Variants in FBXL18 observed in about 807,000 individuals in gnomAD.
FBXL18 encodes the protein F-box/LRR-repeat protein 18.
Under a neutral mutation model 46.0 loss-of-function variants are expected in FBXL18, and 36 were observed. The ratio of observed to expected loss-of-function variants is 0.78; its 90% confidence interval spans 0.60 to 1.03. FBXL18 has a LOEUF of 1.03. Ranked by LOEUF, FBXL18 falls within the 50% of genes least tolerant of loss-of-function variation. The pLI is 0.00. For missense variants in FBXL18, 977 were observed against 1,004.1 expected (o/e 0.97, Z 0.36); for synonymous variants, 557 against 465.3 (o/e 1.20, Z -2.54).
intron 4 of FBXL18, among the ~76,000 whole-genome samples, chr7:5,461,747 C>A (rs1783248970): frequency 6.6e-6 from 1 of 152,106 alleles, no homozygotes; most frequent in Admixed American, 6.6e-5. Context: ...TTGAGACCAG[C>A]CTGGCCAATA....
chr7:5,503,750 C>T (rs752589443), intron 2 of FBXL18, among the ~76,000 whole-genome samples: 45 of 151,664 alleles, frequency 3.0e-4, no homozygotes, highest in Non-Finnish European at 5.7e-4. Flanking sequence ...GGGCGGATCA[C>T]GAGGTCAGGA....
rs902274712 is a variant in FBXL18 at position 5,513,714 on chromosome 7, C to T, written c.-40G>A. ...CGAACCGCGGCCGCGGGATCCGCAA[C>T]CCCGTGCCTCCCACCTGCCCGGCTA... On this transcript the variant is annotated 5_prime_UTR_variant, in exon 1 of 5. Transcript: ENST00000382368. The T allele has an allele frequency of 2.6e-5, 41 of 1,589,986 alleles. No individual in the cohort carries two copies. The highest frequency in any genetic ancestry group is 8.0e-5 in the South Asian group (7 of 87,938).
At chr7:5,491,141 G>C in intron 4 of FBXL18, 90 bp downstream of exon 4, 1 of 1,223,676 alleles carries the variant, frequency 8.2e-7, no homozygotes. Flanking sequence ...AGAAACCACT[G>C]GTAGGCACTC....
At chr7:5,503,719 A>G (rs1349439424) in intron 2 of FBXL18, among the ~76,000 whole-genome samples, 1 of 152,146 alleles carries the variant, frequency 6.6e-6, no homozygotes, top group Non-Finnish European at 1.5e-5. Flanking sequence ...CTGTAATCCC[A>G]GCACTTTGGG....
chr7:5,468,760 C>T (rs1029319407), intron 4 of FBXL18, among the ~76,000 whole-genome samples: 5 of 152,004 alleles, frequency 3.3e-5, no homozygotes, highest in African/African-American at 1.2e-4. Flanking sequence ...ACCACCACGA[C>T]GGGCTAACTT....
rs746766574 is a variant in FBXL18, at chr7:5,491,220, A to T, written c.2000+11T>A. 5 of 1,605,498 alleles carry T rather than the reference A, an allele frequency of 3.1e-6. No individual in the cohort carries two copies. Among genetic ancestry groups the T allele is most frequent in the Non-Finnish European group, 4.3e-6 (5 of 1,176,098 alleles). On this transcript the variant is annotated intron_variant, in intron 4 of 4. Coordinates refer to ENST00000382368, the MANE Select transcript of FBXL18 (RefSeq NM_024963.6). Reference sequence around the variant, plus strand: ...CGGCCCCTGAAGCTGTACGCAACCCACATCACTCACCTGCGGAGAAGCGAC... The same window carrying T: ...CGGCCCCTGAAGCTGTACGCAACCCTCATCACTCACCTGCGGAGAAGCGAC...
rs571968531 is a variant in FBXL18 at position 5,489,696 on chromosome 7, G to A, written c.2000+1535C>T. On this transcript the variant is annotated intron_variant, in intron 4 of 4. Coordinates refer to ENST00000382368, the MANE Select transcript of FBXL18 (RefSeq NM_024963.6). ...TGGGAGGTTGAGGCAGGAGAATGTC[G>A]TGAACCCGGGAGGCAGAGCTTGCAG... 5.2e-3 allele frequency: 1,162 copies of A among 224,410 alleles called. 16 individuals are homozygous for A. Among genetic ancestry groups the A allele is most frequent in the African/African-American group, 0.025 (1,079 of 43,116 alleles). 13.9% of individuals were successfully genotyped at this position (224,410 alleles called of 1,614,324 possible). A position where few individuals can be genotyped will look rare whatever the true frequency, so the allele number is the denominator to read the frequency against.
chr7:5,498,852 A>G (rs1215122414), intron 3 of FBXL18, among the ~76,000 whole-genome samples: 1 of 152,156 alleles, frequency 6.6e-6, no homozygotes, highest in Non-Finnish European at 1.5e-5. Context: ...GGATTACAGG[A>G]GTGAGCCACC....
chr7:5,473,992 T>C (rs1162659644), downstream of FBXL18, among the ~76,000 whole-genome samples: 1 of 151,956 alleles, frequency 6.6e-6, no homozygotes, highest in Non-Finnish European at 1.5e-5. Context: ...AGATGGGGTT[T>C]CACCATGTTG....
intron 1 of FBXL18, among the ~76,000 whole-genome samples, chr7:5,513,098 A>G (rs1784583015): frequency 6.6e-6 from 1 of 152,142 alleles, no homozygotes; most frequent in African/African-American, 2.4e-5. Flanking sequence ...ACCACATTAC[A>G]GGGACGCGGC....
chr7:5,455,245 G>T lies in FBXL18; in HGVS notation c.2001-7402C>A, dbSNP rs987932995. On this transcript the variant is annotated intron_variant and NMD_transcript_variant, in intron 4 of 6. Transcript: ENST00000415009. This position sits in a 1 kb window ranked among gnomAD's most constrained non-coding sequence, Gnocchi z 4.6. The stretch of plus-strand genomic sequence containing the variant: ...GGAGCATATCTGGGGAGCACTCTTG[G>T]GGGGGAACATATCTGGGGAGCAGTA... Among the ~76,000 whole-genome samples the T allele has an allele frequency of 6.6e-6, 1 of 151,966 alleles. No homozygotes were observed. Among genetic ancestry groups the T allele is most frequent in the Non-Finnish European group, 1.5e-5 (1 of 67,984 alleles).
At chr7:5,464,127 C>CCT in intron 4 of FBXL18, among the ~76,000 whole-genome samples, 1 of 151,940 alleles carries the variant, frequency 6.6e-6, no homozygotes, top group Non-Finnish European at 1.5e-5. Flanking sequence ...GGGCGGATCA[C>CCT]GAGGCCAGGA....
chr7:5,501,670 T>A lies in FBXL18; in HGVS notation c.599A>T (p.Tyr200Phe), dbSNP rs903481523. The A allele has an allele frequency of 1.9e-6, 3 of 1,609,720 alleles. No individual in the cohort carries two copies. Among genetic ancestry groups the A allele is most frequent in the Non-Finnish European group, 1.7e-6 (2 of 1,177,806 alleles). ...GCGCGTGCGGTCCAGAATCTCGAAG[T>A]AGAGCAGCAGCTTCTCTAGGCTGGT... ...CCTSLEKLLL[Y>F]FEILDRTREG... is the part of the protein sequence containing the mutation. The change falls in exon 3 of 5, where the codon TAC (tyrosine) becomes TTC (phenylalanine). Residue 200 changes from tyrosine (Y) to phenylalanine (F), a missense_variant. By Grantham distance (22) the Tyr-to-Phe change is conservative (BLOSUM62 3). Transcript: ENST00000382368.
In FBXL18 at chr7:5,491,437, G is replaced by T; in HGVS notation, c.1794C>A (p.Pro598=). The T allele has an allele frequency of 6.3e-7, 1 of 1,586,638 alleles. No homozygotes were observed. The highest frequency in any genetic ancestry group is 2.3e-5 in the East Asian group (1 of 44,072). ...KRLRDLRLEQ[P]YFSANAQFFQ... ...AGAACTGGGCGTTGGCGCTGAAGTA[G>T]GGCTGCTCCAGCCTGCGGGGAGAGA... The change falls in exon 4 of 5, where the codon CCC becomes CCA. Residue 598 remains proline (P), a synonymous_variant. Coordinates refer to ENST00000382368, the MANE Select transcript of FBXL18 (RefSeq NM_024963.6).
intron 1 of FBXL18, among the ~76,000 whole-genome samples, chr7:5,505,878 T>C (rs1014666638): frequency 2.0e-4 from 30 of 152,346 alleles, no homozygotes; most frequent in Non-Finnish European, 2.9e-4. Flanking sequence ...ATTTCTTTTG[T>C]TGTGAGACAG....
At position 5,491,315 on chromosome 7, in the gene FBXL18, C is replaced by T. The variant is rs768129904; in HGVS notation, c.1916G>A (p.Arg639His). The T allele has an allele frequency of 2.2e-5, 36 of 1,610,066 alleles. No homozygotes were observed. Among genetic ancestry groups the T allele is most frequent in the Middle Eastern group, 1.7e-4 (1 of 6,054 alleles). ...QPDAVLAFMA[R>H]CLQVVMCHLF... is the part of the protein sequence containing the mutation. ...GTGGCACATGACAACCTGCAGGCAG[C>T]GAGCCATGAAGGCCAGCACGGCATC... The change falls in exon 4 of 5, where the codon CGC (arginine) becomes CAC (histidine). Residue 639 changes from arginine to histidine, a missense_variant. Physicochemically the swap from Arg to His is conservative, Grantham distance 29 (BLOSUM62 0). Transcript: ENST00000382368.
Position 5,501,914 on chromosome 7 carries a change from G to C in FBXL18, c.355C>G (p.Arg119Gly). 1 of 1,602,494 alleles carries C rather than the reference G, an allele frequency of 6.2e-7. No individual in the cohort carries two copies. The highest frequency in any genetic ancestry group is 8.5e-7 in the Non-Finnish European group (1 of 1,175,846). The change falls in exon 3 of 5, where the codon CGC becomes GGC. Residue 119 changes from arginine (R) to glycine (G), a missense_variant. Arg to Gly is a moderately radical substitution (Grantham distance 125, BLOSUM62 -2). Coordinates refer to ENST00000382368, the MANE Select transcript of FBXL18 (RefSeq NM_024963.6). ...GAGAGGTTCACCTTCACCAGGCTGC[G>C]GCAGCGGGCCACGTGTTCCACGGTG... ...GSTVEHVARC[R>G]SLVKVNLSGC...
At chr7:5,503,350 C>T (rs1456105490) in intron 2 of FBXL18, among the ~76,000 whole-genome samples, 1 of 152,150 alleles carries the variant, frequency 6.6e-6, no homozygotes, top group Non-Finnish European at 1.5e-5. Context: ...AGCCACCACG[C>T]CCAGCCTGTT....
intron 2 of FBXL18, 37 bp from the exon 3 acceptor site, chr7:5,502,068 G>T: frequency 6.8e-7 from 1 of 1,467,064 alleles, no homozygotes; most frequent in Non-Finnish European, 9.2e-7. Flanking sequence ...AGGAAGGAAA[G>T]GGCTGAAGGC....
Sources: allele counts gnomAD v4.1 joint callset (sites outside exome capture counted in the v4.1 genomes callset), GRCh38; gene constraint gnomAD v4.1.1; non-coding constraint Gnocchi (gnomAD v3.1); transcripts MANE v1.5; gene names NCBI Gene and HGNC (gene_info 2026-07-23, HGNC 2026-07-21).